Variants in NAV1 observed in about 807,000 individuals in gnomAD.
NAV1 encodes pore membrane and/or filament interacting like protein 3.
NAV1 carries 18 observed loss-of-function variants against 175.2 expected under a neutral mutation model. That is an observed-to-expected ratio of 0.10 (90% CI 0.07 to 0.15). The LOEUF (loss-of-function observed/expected upper bound fraction) is 0.15. Ranked by LOEUF, NAV1 falls within the 10% of genes least tolerant of loss-of-function variation. NAV1 has a pLI of 1.00. For missense variants in NAV1, 1,731 were observed against 2,436.6 expected, an observed-to-expected ratio of 0.71 and a Z score of 6.10; for synonymous variants, 897 against 978.7, an observed-to-expected ratio of 0.92 and a Z score of 1.56.
chr1:201,721,167 G>A (rs976972832), intron 3 of NAV1, among the ~76,000 whole-genome samples: 2 of 151,940 alleles, frequency 1.3e-5, no homozygotes, highest in Non-Finnish European at 2.9e-5. Context: ...AGTTTGCATG[G>A]GGAACACAGA....
At position 201,783,387 on chromosome 1, in the gene NAV1, T is replaced by C. The variant is rs528112302; in HGVS notation, c.2358-19T>C. 194 of 1,607,454 alleles carry C rather than the reference T, an allele frequency of 1.2e-4. 1 individual carries two copies. The South Asian group carries it at 2.0e-3, about 17-fold the overall frequency. On this transcript the variant is annotated intron_variant, in intron 6 of 29. Coordinates refer to ENST00000367296, the Ensembl canonical transcript of NAV1. The stretch of plus-strand genomic sequence containing the variant: ...CTGTAATTCTATTATTCTAAATATT[T>C]CGTTTGATCTTCTCTCAGGGCCACA...
At chr1:201,619,465 G>A (rs12402268), upstream of NAV1, among the ~76,000 whole-genome samples, 19,111 of 152,238 alleles carry the variant, frequency 0.13, 1,327 homozygotes, top group East Asian at 0.22. Context: ...CACCAATATA[G>A]CTCCCAGAAG....
intron 1 of NAV1, among the ~76,000 whole-genome samples, chr1:201,665,734 A>G (rs954180382): frequency 6.6e-6 from 1 of 151,920 alleles, no homozygotes; most frequent in South Asian, 2.1e-4. Flanking sequence ...GAGAATCATC[A>G]TTAAGATGAC....
chr1:201,764,759 T>C, intron 3 of NAV1, among the ~76,000 whole-genome samples: 1 of 150,140 alleles, frequency 6.7e-6, no homozygotes, highest in African/African-American at 2.5e-5. Flanking sequence ...ATAGACACAT[T>C]TGAGAATCTG....
chr1:201,699,462 C>T (rs1671322112), intron 1 of NAV1, among the ~76,000 whole-genome samples: 1 of 152,186 alleles, frequency 6.6e-6, no homozygotes, highest in Admixed American at 6.5e-5. Context: ...AATGGAAGAA[C>T]ATTCCATGCT....
At chr1:201,670,631 T>G (rs1429231880) in intron 1 of NAV1, among the ~76,000 whole-genome samples, 1 of 151,448 alleles carries the variant, frequency 6.6e-6, no homozygotes, top group Non-Finnish European at 1.5e-5. Flanking sequence ...GTGATGATGG[T>G]GATGTTTTGG....
chr1:201,761,571 G>A (rs998148754), intron 3 of NAV1, among the ~76,000 whole-genome samples: 7 of 152,180 alleles, frequency 4.6e-5, no homozygotes, highest in Admixed American at 1.3e-4. Flanking sequence ...GAATGGCAAC[G>A]TCTTCGTTTA....
chr1:201,614,396 A>C (rs1403702209), intron 2 of NAV1, among the ~76,000 whole-genome samples: 1 of 152,144 alleles, frequency 6.6e-6, no homozygotes, highest in Non-Finnish European at 1.5e-5. Flanking sequence ...CGGGCGCCTC[A>C]AGGGCAGGAA....
In NAV1 at chr1:201,614,928, C is replaced by A. The variant is rs79261238; in HGVS notation, c.-32-7925C>A. 2.2e-3 allele frequency among the ~76,000 whole-genome samples: 335 copies of A among 152,306 alleles called. 1 individual carries two copies. Among genetic ancestry groups the A allele is most frequent in the African/African-American group, 7.8e-3 (325 of 41,562 alleles). ...ATTACAAGTTAATATAGGCAAAGCA[C>A]TTAGAACAGTGTCTGACAGGCAGTC... is the stretch of plus-strand genomic sequence containing the variant. On this transcript the variant is annotated intron_variant, in intron 2 of 33. Transcript: ENST00000685211.
chr1:201,665,462 T>C (rs1015421743), intron 1 of NAV1, among the ~76,000 whole-genome samples: 23 of 152,114 alleles, frequency 1.5e-4, no homozygotes, highest in African/African-American at 5.6e-4. Context: ...CCTCCATTTC[T>C]GTCCGCACTA....
intron 16 of NAV1, chr1:201,804,001 T>C (rs2102791943): frequency 1.9e-6 from 1 of 516,570 alleles, no homozygotes; most frequent in South Asian, 1.5e-5. Context: ...ATGCTGAGGA[T>C]ATACTCAGAA....
At position 201,718,271 on chromosome 1, in the gene NAV1, T is replaced by C; in HGVS notation, c.861-119T>C. 4.6e-6 allele frequency: 5 copies of C among 1,096,200 alleles called. No individual in the cohort carries two copies. The highest frequency in any genetic ancestry group is 6.2e-6 in the Non-Finnish European group (5 of 811,406). 67.9% of individuals were successfully genotyped at this position (1,096,200 alleles called of 1,614,324 possible). A position where few individuals can be genotyped will look rare whatever the true frequency, so the allele number is the denominator to read the frequency against. On this transcript the variant is annotated intron_variant, in intron 2 of 29. Coordinates refer to ENST00000367296, the Ensembl canonical transcript of NAV1. This position sits in a 1 kb window ranked among gnomAD's most constrained non-coding sequence, Gnocchi z 4.8. ...ATGGAGGAGGTGGAGCTTGGGCAGGTGGGGAGGAGGTGACAGGGCCTGTGG... is the reference window on the plus strand; with the variant it reads ...ATGGAGGAGGTGGAGCTTGGGCAGGCGGGGAGGAGGTGACAGGGCCTGTGG...
chr1:201,732,613 G>T (rs544212452), intron 3 of NAV1, among the ~76,000 whole-genome samples: 2 of 152,364 alleles, frequency 1.3e-5, no homozygotes, highest in East Asian at 3.9e-4. Flanking sequence ...CACTACCTAT[G>T]TGCATTACTT....
chr1:201,819,326 C>T (rs1679249795), intron 29 of NAV1, among the ~76,000 whole-genome samples: 2 of 152,128 alleles, frequency 1.3e-5, no homozygotes, highest in Non-Finnish European at 2.9e-5. Context: ...GGCATACTCC[C>T]AAGTAATTGT....
At chr1:201,549,682 AGCC>A (rs1227975604) in intron 1 of NAV1, among the ~76,000 whole-genome samples, 1 of 145,628 alleles carries the variant, frequency 6.9e-6, no homozygotes, top group Admixed American at 6.8e-5. Context: ...GGCAGGTTAC[AGCC>A]TGCCCAGCAA....
chr1:201,806,788 TC>T (rs1678315206), intron 17 of NAV1, among the ~76,000 whole-genome samples: 1 of 152,160 alleles, frequency 6.6e-6, no homozygotes, highest in African/African-American at 2.4e-5. Context: ...CATTCATGTC[TC>T]CACCACAGCC....
intron 1 of NAV1, among the ~76,000 whole-genome samples, chr1:201,555,432 C>T (rs1321538084): frequency 6.6e-6 from 1 of 152,200 alleles, no homozygotes; most frequent in African/African-American, 2.4e-5. Flanking sequence ...GTAAATCCCA[C>T]AACTCCTTGA....
intron 1 of NAV1, among the ~76,000 whole-genome samples, chr1:201,548,189 A>G (rs925217671): frequency 1.3e-5 from 2 of 152,234 alleles, no homozygotes; most frequent in African/African-American, 4.8e-5. Context: ...ATATTTATGT[A>G]GTCATGATCA....
intron 1 of NAV1, among the ~76,000 whole-genome samples, chr1:201,680,827 G>A (rs1001416726): frequency 3.3e-5 from 5 of 152,140 alleles, no homozygotes; most frequent in Admixed American, 2.0e-4. Flanking sequence ...AAGGAGAATG[G>A]TGGGCAGGGC....
Sources: gnomAD v4.1 joint callset for allele counts (sites outside exome capture counted in the v4.1 genomes callset) on GRCh38, gnomAD v4.1.1 for gene constraint, Gnocchi (gnomAD v3.1) non-coding constraint, MANE v1.5 for transcripts, NCBI Gene and HGNC (gene_info 2026-07-23, HGNC 2026-07-21) for gene names.